ASTN1: variants seen among roughly 807,000 people sequenced by gnomAD.
ASTN1 encodes astrotactin-1.
A neutral mutation model predicts 140.7 loss-of-function variants in ASTN1; 41 were observed. The ratio of observed to expected loss-of-function variants is 0.29; its 90% CI spans 0.23 to 0.38. ASTN1 has a LOEUF of 0.38. ASTN1 is among the 10% of genes least tolerant of loss of function. The pLI is 1.00. For missense variants in ASTN1, 1,479 were observed against 1,678.8 expected (o/e 0.88, Z 2.08); for synonymous variants, 640 against 652.2 (o/e 0.98, Z 0.29).
rs754521003 is a variant in ASTN1 at position 176,946,015 on chromosome 1, C to T, written c.2160G>A (p.Met720Ile). 3.1e-6 allele frequency: 5 copies of T among 1,614,160 alleles called. No homozygotes were observed. The highest frequency in any genetic ancestry group is 1.7e-5 in the Admixed American group (1 of 60,026). ...SDCGESRELP[M>I]NQTLFGEMFF... ...ACATCTCCCCAAAGAGGGTCTGGTT[C>T]ATGGGAAGCTCCCTGCTTTCCCCAC... The change falls in exon 13 of 23, where the codon ATG (methionine) becomes ATA (isoleucine). Residue 720 changes from methionine to isoleucine, a missense_variant. Met to Ile is a conservative substitution (Grantham distance 10). Around this residue, in one of 3 missense-constraint regions of ASTN1, gnomAD observed 746 missense variants for 800.9 expected, o/e 0.93. Transcript: ENST00000361833.
chr1:177,102,221 G>T (rs1402262725), intron 1 of ASTN1, among the ~76,000 whole-genome samples: 1 of 152,038 alleles, frequency 6.6e-6, no homozygotes, highest in Admixed American at 6.6e-5. Flanking sequence ...GGGAGGAAGG[G>T]GAATAAACTT....
chr1:177,164,120 G>A (rs1369273831), intron 1 of ASTN1, among the ~76,000 whole-genome samples: 1 of 152,142 alleles, frequency 6.6e-6, no homozygotes, highest in East Asian at 1.9e-4. Context: ...TCAAGGCTGG[G>A]AGAGGTTTCA....
intron 2 of ASTN1, among the ~76,000 whole-genome samples, chr1:177,043,696 G>A (rs1027673967): frequency 6.6e-6 from 1 of 152,162 alleles, no homozygotes; most frequent in Non-Finnish European, 1.5e-5. Flanking sequence ...ATGCACATTA[G>A]AGCTCAAGAA....
chr1:177,125,490 T>G (rs983668570), intron 1 of ASTN1, among the ~76,000 whole-genome samples: 1 of 152,214 alleles, frequency 6.6e-6, no homozygotes, highest in African/African-American at 2.4e-5. Flanking sequence ...TTTATAAGAA[T>G]GTAGGTTGCT....
chr1:176,917,411 A>T (rs1377913808), intron 16 of ASTN1, among the ~76,000 whole-genome samples: 2 of 152,108 alleles, frequency 1.3e-5, no homozygotes, highest in African/African-American at 4.8e-5. Context: ...GACTAGTAAT[A>T]ATAAAACTGT....
At chr1:176,940,410 A>AT (rs1377765197) in intron 14 of ASTN1, among the ~76,000 whole-genome samples, 2 of 152,052 alleles carry the variant, frequency 1.3e-5, no homozygotes, top group African/African-American at 4.8e-5. Flanking sequence ...CAACTTCCCT[A>AT]TTTTTTTCCC....
At chr1:177,111,656 T>G (rs902125349) in intron 1 of ASTN1, among the ~76,000 whole-genome samples, 1 of 152,184 alleles carries the variant, frequency 6.6e-6, no homozygotes, top group East Asian at 1.9e-4. Context: ...ATAGAGCTGA[T>G]AAGATATAGA....
At chr1:177,065,942 G>A (rs1678330484) in intron 1 of ASTN1, among the ~76,000 whole-genome samples, 2 of 152,170 alleles carry the variant, frequency 1.3e-5, no homozygotes, top group African/African-American at 4.8e-5. Flanking sequence ...TGAGGTGGAG[G>A]AGGCCTAGGT....
At chr1:176,915,269 C>A (rs113719040) in intron 16 of ASTN1, among the ~76,000 whole-genome samples, 2 of 152,140 alleles carry the variant, frequency 1.3e-5, no homozygotes, top group Admixed American at 1.3e-4. Context: ...TTCTACCCGC[C>A]TTATGACTCT....
chr1:177,043,768 C>T (rs1051327526), intron 2 of ASTN1, among the ~76,000 whole-genome samples: 6 of 152,152 alleles, frequency 3.9e-5, no homozygotes, highest in African/African-American at 1.4e-4. Flanking sequence ...CGTACGAACA[C>T]GATTAGAGCA....
chr1:177,031,067 C>T (rs6682507), intron 3 of ASTN1, 115 bp from the exon 4 acceptor site: 455,690 of 1,141,188 alleles, frequency 0.4, 97,502 homozygotes, highest in Middle Eastern at 0.48. Context: ...AAATAAGACA[C>T]CAGCAAACTG....
rs530313440 is a variant in ASTN1, at chr1:177,080,287, A to G, written c.284-19022T>C. Among the ~76,000 whole-genome samples, 11 of 142,012 alleles carry G rather than the reference A, an allele frequency of 7.7e-5. No homozygotes were observed. In the South Asian group the frequency reaches 1.8e-3, roughly 23 times the overall value. 93.2% of individuals were successfully genotyped at this position (142,012 alleles called of 152,430 possible). A position where few individuals can be genotyped will look rare whatever the true frequency, so the allele number is the denominator to read the frequency against. The stretch of plus-strand genomic sequence containing the variant: ...AAAAAAAAAAAAAAAAAAAACCGGT[A>G]TCACACTCTCAACTAAGACTTTGTT... On this transcript the variant is annotated intron_variant, in intron 1 of 22. Coordinates refer to ENST00000361833, the MANE Select transcript of ASTN1 (RefSeq NM_004319.3).
intron 1 of ASTN1, among the ~76,000 whole-genome samples, chr1:177,156,605 G>GAA (rs1236621329): frequency 6.6e-6 from 1 of 152,094 alleles, no homozygotes; most frequent in African/African-American, 2.4e-5. Context: ...TGGAAGAAAA[G>GAA]AAAAAATTCT....
At chr1:176,907,699 G>A (rs551865294) in intron 16 of ASTN1, among the ~76,000 whole-genome samples, 1 of 152,298 alleles carries the variant, frequency 6.6e-6, no homozygotes, top group African/African-American at 2.4e-5. Flanking sequence ...CAACACCCCT[G>A]TAGACAGCCC....
intron 8 of ASTN1, among the ~76,000 whole-genome samples, chr1:177,003,793 C>T (rs1674855916): frequency 1.4e-5 from 2 of 147,190 alleles, no homozygotes; most frequent in Non-Finnish European, 3.0e-5. Context: ...GCCTGGGCAA[C>T]AAGAGCAAGA....
chr1:176,938,028 G>T (rs1671522257), intron 14 of ASTN1, among the ~76,000 whole-genome samples: 1 of 152,186 alleles, frequency 6.6e-6, no homozygotes, highest in African/African-American at 2.4e-5. Flanking sequence ...CAGGAAAGGT[G>T]CTTAGTGAAT....
intron 1 of ASTN1, among the ~76,000 whole-genome samples, chr1:177,153,149 A>G (rs549368201): frequency 3.3e-5 from 5 of 152,254 alleles, no homozygotes; most frequent in Non-Finnish European, 2.9e-5. Context: ...TCATGAATAG[A>G]TTAATGCCTT....
Position 176,876,822 on chromosome 1 carries a change from G to A in ASTN1, c.3363-185C>T, listed in dbSNP as rs532124613. 2.0e-5 allele frequency among the ~76,000 whole-genome samples: 3 copies of A among 152,324 alleles called. No homozygotes were observed. The South Asian group carries it at 6.2e-4, about 32-fold the overall frequency. On this transcript the variant is annotated intron_variant, in intron 20 of 22. Coordinates refer to ENST00000361833, the MANE Select transcript of ASTN1 (RefSeq NM_004319.3). ...AAGATGAAGCCTAGAGCCTCTCACTGCTTCCTAGTGGGTCTTGGGTTGTAA... is the reference window on the plus strand; with the variant it reads ...AAGATGAAGCCTAGAGCCTCTCACTACTTCCTAGTGGGTCTTGGGTTGTAA...
intron 11 of ASTN1, among the ~76,000 whole-genome samples, 194 bp downstream of exon 11, chr1:176,957,484 A>G (rs1672458887): frequency 6.6e-6 from 1 of 152,198 alleles, no homozygotes; most frequent in Non-Finnish European, 1.5e-5. Context: ...TAGGTACTCC[A>G]TAACAACTTC....
Sources: allele counts gnomAD v4.1 joint callset (sites outside exome capture counted in the v4.1 genomes callset), GRCh38; gene constraint gnomAD v4.1.1; regional missense constraint gnomAD v4.1.1; transcripts MANE v1.5; gene names NCBI Gene and HGNC (gene_info 2026-07-23, HGNC 2026-07-21).